ARAP3: variants seen among roughly 807,000 people sequenced by gnomAD.
The protein encoded by ARAP3 is ArfGAP with RhoGAP domain, ankyrin repeat and PH domain 3, also known as arf-GAP with Rho-GAP domain, ANK repeat and PH domain-containing protein 3.
In ARAP3, 82 loss-of-function variants were observed where a neutral mutation model predicts 169.2. The observed-to-expected ratio is 0.48, with a 90% confidence interval of 0.41 to 0.58. The LOEUF is 0.58. ARAP3 is among the 20% of genes least tolerant of loss of function. The pLI is 0.00. For missense variants in ARAP3, 1,764 were observed against 2,018.0 expected (o/e 0.87, Z 2.41); for synonymous variants, 791 against 800.3 (o/e 0.99, Z 0.20).
At position 141,659,613 on chromosome 5, in the gene ARAP3, G is replaced by A. The variant is rs559020161; in HGVS notation, c.3268-137C>T. On this transcript the variant is annotated intron_variant, in intron 22 of 32. Transcript: ENST00000239440. ...CCAAGGGGGTGAGGATGTTGGAAGT[G>A]AAGTTGTGGGAGAAGAAGGGCCAGG... 2.8e-5 allele frequency: 37 copies of A among 1,316,716 alleles called. 1 individual carries two copies. The highest frequency in any genetic ancestry group is 1.4e-4 in the Admixed American group (7 of 50,026). The allele number at this position is 1,316,716 out of a possible 1,614,324, so 81.6% of individuals were successfully genotyped here.
chr5:141,676,129 C>A (rs2099912151), intron 4 of ARAP3, among the ~76,000 whole-genome samples: 1 of 152,134 alleles, frequency 6.6e-6, no homozygotes, highest in South Asian at 2.1e-4. Context: ...GCAGGCGGAT[C>A]ACGAGGTCAA....
intron 4 of ARAP3, among the ~76,000 whole-genome samples, chr5:141,678,006 G>A (rs899242516): frequency 2.0e-5 from 3 of 150,636 alleles, no homozygotes; most frequent in African/African-American, 4.9e-5. Context: ...GGAGTGCAGC[G>A]GCACAACCTT....
intron 22 of ARAP3, 149 bp downstream of exon 22, chr5:141,659,630 A>C (rs1369911778): frequency 1.5e-6 from 2 of 1,341,580 alleles, no homozygotes; most frequent in African/African-American, 2.9e-5. Flanking sequence ...TGGGAGAAGA[A>C]GGGCCAGGGC....
At chr5:141,655,159 C>G (rs1321482860) in intron 32 of ARAP3, among the ~76,000 whole-genome samples, 2 of 148,488 alleles carry the variant, frequency 1.3e-5, no homozygotes, top group Non-Finnish European at 3.0e-5. Context: ...CTCTCTCTCA[C>G]ACACACACAC....
Position 141,654,065 on chromosome 5 carries a change from G to A in ARAP3, c.4520C>T (p.Ser1507Phe). ...GETTAGLGSPSQPSSPQSPSP... is the reference protein window; with the variant it reads ...GETTAGLGSPFQPSSPQSPSP... ...GGGGGATTGGGGGCTGGATGGCTGG[G>A]AAGGACTTCCCAGGCCTGCAGTGGT... The change falls in exon 33 of 33, where the codon TCC (serine) becomes TTC (phenylalanine). Residue 1507 changes from serine to phenylalanine, a missense_variant. Physicochemically the swap from Ser to Phe is radical, Grantham distance 155. Coordinates refer to ENST00000239440, the MANE Select transcript of ARAP3 (RefSeq NM_022481.6). The A allele has an allele frequency of 1.2e-6, 2 of 1,606,116 alleles. No individual in the cohort carries two copies. Among genetic ancestry groups the A allele is most frequent in the Non-Finnish European group, 1.7e-6 (2 of 1,175,826 alleles).
intron 21 of ARAP3, among the ~76,000 whole-genome samples, chr5:141,660,209 T>TG (rs2099909751): frequency 6.6e-6 from 1 of 152,104 alleles, no homozygotes; most frequent in Non-Finnish European, 1.5e-5. Flanking sequence ...AATATATACA[T>TG]GGGCCGGGCG....
intron 4 of ARAP3, among the ~76,000 whole-genome samples, chr5:141,676,202 G>C (rs1026971920): frequency 7.9e-5 from 12 of 152,116 alleles, no homozygotes; most frequent in African/African-American, 2.9e-4. Flanking sequence ...ACAAAAATTA[G>C]CTGGGTGTGG....
rs781111494 is a variant in ARAP3 at position 141,662,216 on chromosome 5, C to T, written c.2840G>A (p.Arg947His). Residue 947 changes from arginine to histidine, a missense_variant, in exon 20 of 33, where the codon CGT becomes CAT. By Grantham distance (29) the Arg-to-His change is conservative. Coordinates refer to ENST00000239440, the MANE Select transcript of ARAP3 (RefSeq NM_022481.6). ...LEGVYRKGGA[R>H]ARSLRLLAEF... Reference sequence around the variant, plus strand: ...AGCCAGGAGTCTCAGGCTGCGGGCACGAGCGCCCCCTTTCCGGTATACACC... The same window carrying T: ...AGCCAGGAGTCTCAGGCTGCGGGCATGAGCGCCCCCTTTCCGGTATACACC... 21 of 1,614,058 alleles carry T rather than the reference C, an allele frequency of 1.3e-5. No homozygotes were observed. The highest frequency in any genetic ancestry group is 8.3e-5 in the Admixed American group (5 of 60,008).
At chr5:141,661,928 T>C in intron 20 of ARAP3, 115 bp downstream of exon 20, 1 of 1,511,210 alleles carries the variant, frequency 6.6e-7, no homozygotes, top group Non-Finnish European at 9.1e-7. Context: ...GCCAAGTCTC[T>C]GGATGATCCC....
Position 141,672,448 on chromosome 5 carries a change from G to A in ARAP3, c.1385+104C>T, listed in dbSNP as rs909442715. On this transcript the variant is annotated intron_variant, in intron 9 of 32. Coordinates refer to ENST00000239440, the MANE Select transcript of ARAP3 (RefSeq NM_022481.6). This position sits in a 1 kb window ranked among gnomAD's most constrained non-coding sequence, Gnocchi z 4.9. The stretch of plus-strand genomic sequence containing the variant: ...GACCTAGCTCACTGGACTACCATCT[G>A]TGCATACCCTCTGACGTCCTACTAA... 1.3e-6 allele frequency: 2 copies of A among 1,483,274 alleles called. No individual in the cohort carries two copies. Among genetic ancestry groups the A allele is most frequent in the Admixed American group, 2.0e-5 (1 of 51,124 alleles). The allele number at this position is 1,483,274 out of a possible 1,614,324, so 91.9% of individuals were successfully genotyped here. A position where few individuals can be genotyped will look rare whatever the true frequency, so the allele number is the denominator to read the frequency against.
At position 141,662,112 on chromosome 5, in the gene ARAP3, G is replaced by A. The variant is rs151027187; in HGVS notation, c.2944C>T (p.Arg982Cys). ...GGGTCATCGAGCTCACGAAAGAAGC[G>A]TTTGAGTGTGTCAGTGACATCCTCC... ...FVEDVTDTLK[R>C]FFRELDDPVT... Residue 982 changes from arginine to cysteine, a missense_variant, in exon 20 of 33, where the codon CGC becomes TGC. Physicochemically the swap from Arg to Cys is radical, Grantham distance 180 (BLOSUM62 -3). This residue lies in a region of ARAP3 where 1,112 missense variants were observed against 1,285.7 expected (regional missense o/e 0.86). Coordinates refer to ENST00000239440, the MANE Select transcript of ARAP3 (RefSeq NM_022481.6). The A allele has an allele frequency of 7.4e-6, 12 of 1,614,202 alleles. 1 individual carries two copies. Among genetic ancestry groups the A allele is most frequent in the East Asian group, 4.5e-5 (2 of 44,886 alleles).
At chr5:141,676,051 C>G (rs980280797) in intron 4 of ARAP3, among the ~76,000 whole-genome samples, 2 of 152,166 alleles carry the variant, frequency 1.3e-5, no homozygotes, top group Admixed American at 6.6e-5. Flanking sequence ...ACCTATATAA[C>G]ATTGCATCCA....
intron 19 of ARAP3, among the ~76,000 whole-genome samples, chr5:141,664,671 T>C (rs1008062751): frequency 1.3e-5 from 2 of 152,272 alleles, no homozygotes; most frequent in African/African-American, 4.8e-5. Flanking sequence ...ACAGGCATTG[T>C]CTCACTGTCA....
At chr5:141,681,820 A>C (rs2099913029) in intron 1 of ARAP3, among the ~76,000 whole-genome samples, 1 of 151,754 alleles carries the variant, frequency 6.6e-6, no homozygotes, top group Admixed American at 6.6e-5. Flanking sequence ...GCCTCTCTCC[A>C]GCTGGGCCTC....
intron 6 of ARAP3, 65 bp from the exon 7 acceptor site, chr5:141,673,198 T>C: frequency 6.2e-7 from 1 of 1,607,178 alleles, no homozygotes; most frequent in South Asian, 1.1e-5. Flanking sequence ...AGCCCCTGGG[T>C]CCTGCCCCAG....
chr5:141,668,198 C>T (rs1034628235), intron 16 of ARAP3, among the ~76,000 whole-genome samples: 6 of 151,936 alleles, frequency 3.9e-5, no homozygotes, highest in East Asian at 1.9e-4. Context: ...CTCAAACCTC[C>T]GAGGCTCAAG....
intron 2 of ARAP3, 63 bp downstream of exon 2, chr5:141,679,900 C>A: frequency 1.2e-6 from 2 of 1,611,220 alleles, no homozygotes; most frequent in Non-Finnish European, 1.7e-6. Flanking sequence ...CCGCCTCCGT[C>A]CCCCTCATGC....
intron 16 of ARAP3, among the ~76,000 whole-genome samples, chr5:141,667,175 A>G (rs1448318010): frequency 6.6e-6 from 1 of 152,182 alleles, no homozygotes; most frequent in Admixed American, 6.5e-5. Context: ...AATTACAGAC[A>G]TGAGCCACTG....
At position 141,656,617 on chromosome 5, in the gene ARAP3, G is replaced by T. The variant is rs1247569476; in HGVS notation, c.3676C>A (p.Arg1226=). The T allele has an allele frequency of 9.9e-6, 16 of 1,613,290 alleles. No individual in the cohort carries two copies. The highest frequency in any genetic ancestry group is 1.3e-5 in the Non-Finnish European group (15 of 1,179,720). Residue 1226 remains arginine, a synonymous_variant, in exon 27 of 33, where the codon CGG becomes AGG. Coordinates refer to ENST00000239440, the MANE Select transcript of ARAP3 (RefSeq NM_022481.6). ...LFTGIRRESP[R]VGLLRCREEP... ...TCACGACACCGCAACAGCCCCACCC[G>T]TGGGCTCTCACGTCGGATACCTGGG...
Sources: allele counts gnomAD v4.1 joint callset (sites outside exome capture counted in the v4.1 genomes callset), GRCh38; gene constraint gnomAD v4.1.1; regional missense constraint gnomAD v4.1.1; non-coding constraint Gnocchi (gnomAD v3.1); transcripts MANE v1.5; gene names NCBI Gene and HGNC (gene_info 2026-07-23, HGNC 2026-07-21).